The following DDX6 variants were observed in gnomAD, a reference collection of about 807,000 sequenced individuals.
DDX6 encodes DEAD-box helicase 6.
In DDX6, 7 loss-of-function variants were observed where a neutral mutation model predicts 60.6. The observed-to-expected ratio is 0.12, with a 90% CI of 0.07 to 0.22. DDX6 has a LOEUF of 0.22. Ranked by LOEUF, DDX6 falls within the 10% of genes least tolerant of loss-of-function variation. The pLI, the probability that DDX6 is intolerant of heterozygous loss-of-function variation, is 1.00. For missense variants in DDX6, 270 were observed against 589.9 expected (o/e 0.46, Z 5.62); for synonymous variants, 207 against 201.0 (o/e 1.03, Z -0.25).
Position 118,751,756 on chromosome 11 carries a change from G to T in DDX6, c.*349C>A. 1 of 304,134 alleles carries T rather than the reference G, an allele frequency of 3.3e-6. No homozygotes were observed. The highest frequency in any genetic ancestry group is 6.5e-6 in the Non-Finnish European group (1 of 154,556). The allele number at this position is 304,134 out of a possible 1,614,324, so 18.8% of individuals were successfully genotyped here. A position where few individuals can be genotyped will look rare whatever the true frequency, so the allele number is the denominator to read the frequency against. On this transcript the variant is annotated 3_prime_UTR_variant, in exon 14 of 14. Transcript: ENST00000534980. ...GCTGTTGGAGAATTTTGAAATCATT[G>T]ACAAGCTTGTGTGTTCATTAAGATT...
intron 9 of DDX6, among the ~76,000 whole-genome samples, chr11:118,757,595 AT>A (rs150666999): frequency 1.7e-4 from 25 of 149,588 alleles, no homozygotes; most frequent in African/African-American, 2.0e-4. Context: ...ATTTTATTTT[AT>A]TTTTTTTTTG....
intron 4 of DDX6, 84 bp from the exon 5 acceptor site, chr11:118,768,436 C>CT (rs1291342246): frequency 4.8e-6 from 7 of 1,454,790 alleles, no homozygotes; most frequent in Non-Finnish European, 6.6e-6. Context: ...AAGGATACCT[C>CT]TTTCGGTATT....
rs1861824385 is a variant in DDX6, at chr11:118,779,726, G to A, written c.275C>T (p.Ser92Phe). ...DLRIKTSDVT[S>F]TKGNEFEDYC... ...ATCTTCAAACTCATTTCCTTTTGTGGAGGTCACATCCTAGTCAAACAAAAA... is the reference window on the plus strand; with the variant it reads ...ATCTTCAAACTCATTTCCTTTTGTGAAGGTCACATCCTAGTCAAACAAAAA... Residue 92 changes from serine to phenylalanine, a missense_variant, in exon 4 of 14, where the codon TCC becomes TTC. Physicochemically the swap from Ser to Phe is radical, Grantham distance 155. Coordinates refer to ENST00000534980, the MANE Select transcript of DDX6 (RefSeq NM_004397.6). The A allele has an allele frequency of 6.2e-7, 1 of 1,606,296 alleles. No individual in the cohort carries two copies. Among genetic ancestry groups the A allele is most frequent in the Non-Finnish European group, 8.5e-7 (1 of 1,175,440 alleles).
chr11:118,785,411 C>A (rs1256197741), intron 2 of DDX6, among the ~76,000 whole-genome samples: 5 of 151,534 alleles, frequency 3.3e-5, no homozygotes, highest in African/African-American at 7.3e-5. Flanking sequence ...CATTATGTTG[C>A]CTAGGCTGGT....
chr11:118,786,284 A>C lies in DDX6; in HGVS notation c.-33T>G, dbSNP rs1024404621. 1.3e-6 allele frequency: 2 copies of C among 1,557,100 alleles called. No homozygotes were observed. The highest frequency in any genetic ancestry group is 2.3e-5 in the East Asian group (1 of 44,208). On this transcript the variant is annotated 5_prime_UTR_variant, in exon 2 of 14. Transcript: ENST00000534980. ...TAATTGCAAAGGTCTTTCAAACTTC[A>C]AAACTTTTGAAAGTCAGTAGAGAAA...
In DDX6 at chr11:118,758,921, A is replaced by G; in HGVS notation, c.865-19T>C. ...GGGAATTCTGGGGGGGGAGCGGGAA[A>G]AAGATGAGTCGTCGTCTTAAATGAA... On this transcript the variant is annotated intron_variant, in intron 8 of 13. Transcript: ENST00000534980. 1.2e-6 allele frequency: 2 copies of G among 1,613,014 alleles called. No individual in the cohort carries two copies. Among genetic ancestry groups the G allele is most frequent in the Non-Finnish European group, 1.7e-6 (2 of 1,179,486 alleles).
At chr11:118,763,977 C>T (rs1565566271) in intron 6 of DDX6, among the ~76,000 whole-genome samples, 1 of 152,016 alleles carries the variant, frequency 6.6e-6, no homozygotes, top group Non-Finnish European at 1.5e-5. Flanking sequence ...ATTTGTTTCA[C>T]CTCTACATTG....
intron 4 of DDX6, among the ~76,000 whole-genome samples, chr11:118,769,854 G>A (rs1303463694): frequency 6.6e-6 from 1 of 151,836 alleles, no homozygotes; most frequent in South Asian, 2.1e-4. Context: ...ACAGGTGCCC[G>A]CCACCACACC....
chr11:118,760,294 C>T (rs1591891285), intron 7 of DDX6, among the ~76,000 whole-genome samples: 1 of 152,032 alleles, frequency 6.6e-6, no homozygotes, highest in Non-Finnish European at 1.5e-5. Context: ...CTTTCTGTAA[C>T]AGAATTTAAT....
At chr11:118,783,022 G>A (rs575788659) in intron 2 of DDX6, among the ~76,000 whole-genome samples, 3 of 152,096 alleles carry the variant, frequency 2.0e-5, no homozygotes, top group African/African-American at 7.2e-5. Flanking sequence ...ATAATAATGC[G>A]TAAGATACAA....
In DDX6 at chr11:118,749,359, A is replaced by AG. The variant is rs1860673309; in HGVS notation, c.*2745_*2746insC. The stretch of plus-strand genomic sequence containing the variant: ...TATTATGAGGGCCCAAAAAAGAAAG[A>AG]AAAAAAAAAAAAAAAAAAAAAAGAC... On this transcript the variant is annotated 3_prime_UTR_variant, in exon 14 of 14. Transcript: ENST00000534980. 3.1e-4 allele frequency: 2 copies of AG among 6,530 alleles called. No homozygotes were observed. Among genetic ancestry groups the AG allele is most frequent in the African/African-American group, 8.7e-4 (2 of 2,294 alleles). The allele number at this position is 6,530 out of a possible 1,614,324, so 0.4% of individuals were successfully genotyped here.
chr11:118,785,967 G>T, intron 2 of DDX6, 85 bp downstream of exon 2: 1 of 1,282,374 alleles, frequency 7.8e-7, no homozygotes, highest in Non-Finnish European at 1.1e-6. Flanking sequence ...GTTAAATTAA[G>T]GCATAAGTAT....
rs746850469 is a variant in DDX6 at position 118,786,071 on chromosome 11, T to C, written c.181A>G (p.Ser61Gly). 1 of 1,613,968 alleles carries C rather than the reference T, an allele frequency of 6.2e-7. No individual in the cohort carries two copies. The highest frequency in any genetic ancestry group is 8.5e-7 in the Non-Finnish European group (1 of 1,179,868). ...INNGTQQQAQ[S>G]MTTTIKPGDD... ...ACTTACTTAATAGTGGTGGTCATAC[T>C]CTGTGCTTGCTGCTGAGTGCCATTA... is the stretch of plus-strand genomic sequence containing the variant. The change falls in exon 2 of 14, where the codon AGT becomes GGT. Residue 61 changes from serine to glycine, a missense_variant. Around this residue, in one of 8 missense-constraint regions of DDX6, gnomAD observed 102 missense variants for 110.5 expected, o/e 0.92. Coordinates refer to ENST00000534980, the MANE Select transcript of DDX6 (RefSeq NM_004397.6).
chr11:118,774,464 C>CTTTTTTTT (rs11442846), intron 4 of DDX6, among the ~76,000 whole-genome samples: 3 of 116,406 alleles, frequency 2.6e-5, no homozygotes, highest in African/African-American at 3.2e-5. Context: ...CTCTAACAGT[C>CTTTTTTTT]TTTTTTTTTT....
At position 118,781,200 on chromosome 11, in the gene DDX6, T is replaced by C. The variant is rs953424685; in HGVS notation, c.201-16A>G. 2.6e-6 allele frequency: 4 copies of C among 1,554,720 alleles called. No homozygotes were observed. Among genetic ancestry groups the C allele is most frequent in the Non-Finnish European group, 3.5e-6 (4 of 1,133,932 alleles). The stretch of plus-strand genomic sequence containing the variant: ...ATCACCAGGTCTAGAGAGAATACAG[T>C]AAACTTGAAGTATCAAAATTCATAG... On this transcript the variant is annotated splice_polypyrimidine_tract_variant and intron_variant, in intron 2 of 13. Coordinates refer to ENST00000534980, the MANE Select transcript of DDX6 (RefSeq NM_004397.6).
chr11:118,752,213 G>A (rs1860798273), intron 13 of DDX6, 116 bp from the exon 14 acceptor site: 1 of 160,574 alleles, frequency 6.2e-6, no homozygotes, highest in Non-Finnish European at 1.4e-5. Flanking sequence ...CTAACCCTGT[G>A]CCTACTATAG....
At position 118,750,192 on chromosome 11, in the gene DDX6, C is replaced by CT. The variant is rs376361455; in HGVS notation, c.*1912dup. On this transcript the variant is annotated 3_prime_UTR_variant, in exon 14 of 14. Coordinates refer to ENST00000534980, the MANE Select transcript of DDX6 (RefSeq NM_004397.6). Reference sequence around the variant, plus strand: ...CAATTTTTTTTAATTTTGTTTTTTGCTTTTTTCCCCCCCTTTCCAGATGCC... The same window carrying CT: ...CAATTTTTTTTAATTTTGTTTTTTGCTTTTTTTCCCCCCCTTTCCAGATGCC... 1.1e-4 allele frequency: 17 copies of CT among 151,832 alleles called. No individual in the cohort carries two copies. In the East Asian group the frequency reaches 2.3e-3, roughly 21 times the overall value. The allele number at this position is 151,832 out of a possible 1,614,324, so 9.4% of individuals were successfully genotyped here. A position where few individuals can be genotyped will look rare whatever the true frequency, so the allele number is the denominator to read the frequency against.
At chr11:118,783,705 G>A (rs1043950661) in intron 2 of DDX6, among the ~76,000 whole-genome samples, 2 of 150,890 alleles carry the variant, frequency 1.3e-5, no homozygotes, top group Admixed American at 1.3e-4. Context: ...GGGAGGCAGA[G>A]GCAGGAGAAT....
intron 4 of DDX6, among the ~76,000 whole-genome samples, chr11:118,776,831 C>CAAA (rs200480268): frequency 1.1e-5 from 1 of 94,506 alleles, no homozygotes; most frequent in Non-Finnish European, 2.2e-5. Context: ...GGCTCTGTCT[C>CAAA]AAAAAAAAAA....
Sources: allele counts gnomAD v4.1 joint callset (sites outside exome capture counted in the v4.1 genomes callset), GRCh38; gene constraint gnomAD v4.1.1; regional missense constraint gnomAD v4.1.1; transcripts MANE v1.5; gene names NCBI Gene and HGNC (gene_info 2026-07-23, HGNC 2026-07-21).